RXRA: variants seen among roughly 807,000 people sequenced by gnomAD.
RXRA encodes the protein retinoid X receptor alpha.
A neutral mutation model predicts 44.5 loss-of-function variants in RXRA; 5 were observed. That is an observed-to-expected ratio of 0.11 (90% CI 0.06 to 0.24). The LOEUF is 0.24. Ranked by LOEUF, RXRA falls within the 10% of genes least tolerant of loss-of-function variation. The pLI is 1.00. For synonymous variants in RXRA, 291 were observed against 271.4 expected (o/e 1.07, Z -0.71); for missense variants, 412 against 646.5 (o/e 0.64, Z 3.93).
At chr9:134,371,723 G>A (rs1397038524) in intron 1 of RXRA, among the ~76,000 whole-genome samples, 1 of 152,194 alleles carries the variant, frequency 6.6e-6, no homozygotes, top group East Asian at 1.9e-4. Context: ...CCCTTGAAGT[G>A]GTCCGCCCTT....
intron 4 of RXRA, among the ~76,000 whole-genome samples, chr9:134,414,030 C>T (rs937440301): frequency 1.2e-4 from 19 of 152,194 alleles, no homozygotes; most frequent in African/African-American, 3.1e-4. Context: ...CCGGCGCCAG[C>T]GGAACATGAG....
chr9:134,429,103 C>A lies in RXRA; in HGVS notation c.911-5C>A, dbSNP rs550737900. On this transcript the variant is annotated splice_region_variant and splice_polypyrimidine_tract_variant and intron_variant, in intron 6 of 9. Coordinates refer to ENST00000481739, the MANE Select transcript of RXRA (RefSeq NM_002957.6). ...CAGCTGAGTGACTGTGTGCCTCCTCCCCAGGCTGGAATGAGCTGCTCATCG... is the reference window on the plus strand; with the variant it reads ...CAGCTGAGTGACTGTGTGCCTCCTCACCAGGCTGGAATGAGCTGCTCATCG... 1.2e-6 allele frequency: 2 copies of A among 1,612,892 alleles called. No homozygotes were observed. The highest frequency in any genetic ancestry group is 3.3e-5 in the Admixed American group (2 of 60,012).
chr9:134,407,840 G>A lies in RXRA; in HGVS notation c.280-309G>A, dbSNP rs888582751. On this transcript the variant is annotated intron_variant, in intron 2 of 9. Transcript: ENST00000481739. The surrounding 1 kb of genome is among the most constrained non-coding windows in gnomAD (Gnocchi z 4.8). ...GGCAGCTCTCATTTAGGTGGGCAGC[G>A]GGCAGGGGGTTGCAAGCAGGGACCG... Among the ~76,000 whole-genome samples the A allele has an allele frequency of 2.0e-5, 3 of 152,048 alleles. No homozygotes were observed. Among genetic ancestry groups the A allele is most frequent in the African/African-American group, 7.2e-5 (3 of 41,412 alleles).
At chr9:134,408,594 C>T (rs1444469364) in intron 3 of RXRA, among the ~76,000 whole-genome samples, 1 of 152,228 alleles carries the variant, frequency 6.6e-6, no homozygotes, top group Non-Finnish European at 1.5e-5. Context: ...AGTGCTGCGC[C>T]TCCTCCCTTG....
At chr9:134,386,478 C>T (rs1252176933) in intron 1 of RXRA, among the ~76,000 whole-genome samples, 1 of 152,194 alleles carries the variant, frequency 6.6e-6, no homozygotes, top group Non-Finnish European at 1.5e-5. Context: ...GGCATGTCTG[C>T]TGGGGCTGTG....
intron 1 of RXRA, among the ~76,000 whole-genome samples, chr9:134,355,824 C>T (rs952312555): frequency 2.0e-5 from 3 of 152,128 alleles, no homozygotes; most frequent in Admixed American, 6.5e-5. Flanking sequence ...CTCCCAGGGC[C>T]CTGGGCTCAC....
At chr9:134,360,500 T>G (rs912328720) in intron 1 of RXRA, among the ~76,000 whole-genome samples, 4 of 152,224 alleles carry the variant, frequency 2.6e-5, no homozygotes, top group Admixed American at 2.6e-4. Flanking sequence ...TCTGAAGGAC[T>G]GGTATCAGGA....
intron 1 of RXRA, among the ~76,000 whole-genome samples, chr9:134,361,789 A>T (rs1830355405): frequency 6.6e-6 from 1 of 152,024 alleles, no homozygotes; most frequent in East Asian, 1.9e-4. Flanking sequence ...GGGGAGGCAG[A>T]ATGTTCCGGA....
intron 1 of RXRA, among the ~76,000 whole-genome samples, chr9:134,380,493 G>A (rs1369624695): frequency 1.3e-4 from 10 of 78,954 alleles, no homozygotes; most frequent in African/African-American, 3.0e-4. Context: ...TCAGGTGGGC[G>A]GCCCCCCCTG....
At position 134,436,736 on chromosome 9, in the gene RXRA, C is replaced by T. The variant is rs1831629098; in HGVS notation, c.*122C>T. On this transcript the variant is annotated 3_prime_UTR_variant, in exon 10 of 10. Coordinates refer to ENST00000481739, the MANE Select transcript of RXRA (RefSeq NM_002957.6). Reference sequence around the variant, plus strand: ...CCTGGCCTGTTTGGACTTTGGGGCACAGCCTGTCACTGCTCTGCCTAAGAG... The same window carrying T: ...CCTGGCCTGTTTGGACTTTGGGGCATAGCCTGTCACTGCTCTGCCTAAGAG... 4.9e-6 allele frequency: 5 copies of T among 1,029,100 alleles called. No homozygotes were observed. Among genetic ancestry groups the T allele is most frequent in the Middle Eastern group, 2.2e-4 (1 of 4,640 alleles). 63.7% of individuals were successfully genotyped at this position (1,029,100 alleles called of 1,614,324 possible). A position where few individuals can be genotyped will look rare whatever the true frequency, so the allele number is the denominator to read the frequency against.
At chr9:134,410,115 G>C (rs1043044391) in intron 4 of RXRA, among the ~76,000 whole-genome samples, 4 of 152,234 alleles carry the variant, frequency 2.6e-5, no homozygotes, top group African/African-American at 9.6e-5. Flanking sequence ...CAGCCTTAAC[G>C]GTCCTGTTGA....
intron 1 of RXRA, among the ~76,000 whole-genome samples, chr9:134,354,821 G>A (rs139574108): frequency 9.1e-4 from 139 of 152,332 alleles, no homozygotes; most frequent in Middle Eastern, 3.4e-3. Flanking sequence ...AATTGTCCTC[G>A]TCCTGGATTT....
At position 134,437,555 on chromosome 9, in the gene RXRA, C is replaced by T. The variant is rs1831645170; in HGVS notation, c.*941C>T. ...GCTGGAGGCACAGGGCTCTGCGGAC[C>T]TGCAGCCATCTGTGAGGCCCGCGGG... On this transcript the variant is annotated 3_prime_UTR_variant, in exon 10 of 10. Transcript: ENST00000481739. 1 of 152,336 alleles carries T rather than the reference C, an allele frequency of 6.6e-6. No homozygotes were observed. The highest frequency in any genetic ancestry group is 2.4e-5 in the African/African-American group (1 of 41,470). 9.4% of individuals were successfully genotyped at this position (152,336 alleles called of 1,614,324 possible). A position where few individuals can be genotyped will look rare whatever the true frequency, so the allele number is the denominator to read the frequency against.
intron 4 of RXRA, among the ~76,000 whole-genome samples, chr9:134,416,607 G>A (rs1434801722): frequency 6.6e-6 from 1 of 152,104 alleles, no homozygotes; most frequent in Non-Finnish European, 1.5e-5. Context: ...GCAGGTGCAC[G>A]GTTTCCTGAT....
chr9:134,396,594 A>G (rs73556222), intron 1 of RXRA, among the ~76,000 whole-genome samples: 4,362 of 152,116 alleles, frequency 0.029, 229 homozygotes, highest in African/African-American at 0.1. Flanking sequence ...ACCAGCTCTC[A>G]TCTGGGTGCT....
chr9:134,371,665 G>A (rs1399593060), intron 1 of RXRA, among the ~76,000 whole-genome samples: 1 of 152,260 alleles, frequency 6.6e-6, no homozygotes, highest in Non-Finnish European at 1.5e-5. Flanking sequence ...CTGGGCCTGT[G>A]GCCTGGCCCT....
intron 1 of RXRA, among the ~76,000 whole-genome samples, chr9:134,386,324 C>T (rs1375226559): frequency 1.3e-5 from 2 of 152,380 alleles, no homozygotes; most frequent in African/African-American, 4.8e-5. Flanking sequence ...CATGAGGCTG[C>T]ACCTCCTTGC....
At position 134,417,378 on chromosome 9, in the gene RXRA, C is replaced by T. The variant is rs34814276; in HGVS notation, c.780+51C>T. 233 of 1,578,912 alleles carry T rather than the reference C, an allele frequency of 1.5e-4. No homozygotes were observed. The African/African-American group carries it at 2.8e-3, about 19-fold the overall frequency. The stretch of plus-strand genomic sequence containing the variant: ...GGCAGCCTCACATGCCTCAGTTTCC[C>T]TCACTCACTCACCCTCCCACCTGAG... On this transcript the variant is annotated intron_variant, in intron 5 of 9. Coordinates refer to ENST00000481739, the MANE Select transcript of RXRA (RefSeq NM_002957.6). The surrounding 1 kb of genome is among the most constrained non-coding windows in gnomAD (Gnocchi z 6.1).
rs1255421661 is a variant in RXRA, at chr9:134,433,527, C to T, written c.1136-575C>T. 6.7e-6 allele frequency among the ~76,000 whole-genome samples: 1 copy of T among 149,094 alleles called. No individual in the cohort carries two copies. The highest frequency in any genetic ancestry group is 2.6e-5 in the African/African-American group (1 of 38,792). ...CAGGGGGTCCCTGGGCCTTGGGGGCCAAGGTGGCATTCACAGGGGGTCCCT... is the reference window on the plus strand; with the variant it reads ...CAGGGGGTCCCTGGGCCTTGGGGGCTAAGGTGGCATTCACAGGGGGTCCCT... On this transcript the variant is annotated intron_variant, in intron 8 of 9. Transcript: ENST00000481739. The surrounding 1 kb of genome is among the most constrained non-coding windows in gnomAD (Gnocchi z 4.2).
Sources: allele counts gnomAD v4.1 joint callset (sites outside exome capture counted in the v4.1 genomes callset), GRCh38; gene constraint gnomAD v4.1.1; non-coding constraint Gnocchi (gnomAD v3.1); transcripts MANE v1.5; gene names NCBI Gene and HGNC (gene_info 2026-07-23, HGNC 2026-07-21).